Variants in GPHN observed in about 807,000 individuals in gnomAD.
GPHN encodes the protein gephyrin.
A neutral mutation model predicts 95.5 loss-of-function variants in GPHN; 17 were observed. The observed-to-expected ratio is 0.18, with a 90% CI of 0.12 to 0.27. The LOEUF is 0.27. GPHN is among the 10% of genes least tolerant of loss of function. The pLI, the probability that GPHN is intolerant of heterozygous loss-of-function variation, is 1.00. For missense variants in GPHN, 660 were observed against 978.1 expected, an observed-to-expected ratio of 0.67 and a Z score of 4.34; for synonymous variants, 320 against 322.5, an observed-to-expected ratio of 0.99 and a Z score of 0.08.
At chr14:66,885,631 C>T (rs1485326062) in intron 5 of GPHN, among the ~76,000 whole-genome samples, 2 of 152,096 alleles carry the variant, frequency 1.3e-5, no homozygotes, top group East Asian at 1.9e-4. Flanking sequence ...TTTATAAGGA[C>T]AGTACCTACA....
the GPHN span, among the ~76,000 whole-genome samples, chr14:67,420,590 T>C: frequency 6.6e-6 from 1 of 152,164 alleles, no homozygotes; most frequent in Non-Finnish European, 1.5e-5. Flanking sequence ...GGACAGCCCA[T>C]AGGTAGTCAG....
chr14:66,722,652 C>T (rs1379377121), intron 2 of GPHN, among the ~76,000 whole-genome samples: 2 of 152,046 alleles, frequency 1.3e-5, no homozygotes, highest in African/African-American at 4.8e-5. Context: ...CTGTGTTGCC[C>T]AGCCTGGCTT....
the GPHN span, among the ~76,000 whole-genome samples, chr14:67,522,087 C>T: frequency 1.2e-4 from 19 of 152,270 alleles, no homozygotes; most frequent in Admixed American, 2.6e-4. Flanking sequence ...GCAGGAGAAT[C>T]GCTTGAACCC....
chr14:67,651,496 A>AAAGT, the GPHN span: 1 of 1,612,996 alleles, frequency 6.2e-7, no homozygotes, highest in South Asian at 1.1e-5. Context: ...AAAGAGAAGC[A>AAAGT]AAGTGGGGAG....
intron 5 of GPHN, among the ~76,000 whole-genome samples, chr14:66,906,026 A>T (rs1400096418): frequency 7.0e-6 from 1 of 143,536 alleles, no homozygotes; most frequent in Admixed American, 7.1e-5. Flanking sequence ...CCCCATTTTC[A>T]GTCCTAGGTG....
chr14:67,127,427 G>A (rs574718124), intron 17 of GPHN, among the ~76,000 whole-genome samples: 1 of 152,228 alleles, frequency 6.6e-6, no homozygotes, highest in Non-Finnish European at 1.5e-5. Flanking sequence ...TATCATATAA[G>A]CTAATGATGG....
chr14:67,578,189 C>A, the GPHN span: 1 of 1,613,510 alleles, frequency 6.2e-7, no homozygotes. The surrounding 1 kb of genome is among the most constrained non-coding windows in gnomAD (Gnocchi z 5.0). Context: ...CAGAAGTACT[C>A]CCTCATGCAG....
At chr14:67,376,725 C>A in the GPHN span, 3 of 829,808 alleles carry the variant, frequency 3.6e-6, no homozygotes, top group Non-Finnish European at 3.7e-6. Flanking sequence ...GTAAATGGGC[C>A]AATCCTATAT....
chr14:66,647,548 C>T (rs1194376798), intron 1 of GPHN, among the ~76,000 whole-genome samples: 5 of 151,524 alleles, frequency 3.3e-5, no homozygotes, highest in Non-Finnish European at 7.4e-5. Context: ...GTTACTGAGC[C>T]CTGTATATAC....
the GPHN span, chr14:67,323,910 C>G: frequency 6.1e-6 from 4 of 650,558 alleles, no homozygotes; most frequent in South Asian, 8.0e-5. Context: ...TTAGCTTGAG[C>G]TTTCAAACTG....
the GPHN span, chr14:67,338,548 A>C: frequency 7.0e-7 from 1 of 1,434,002 alleles, no homozygotes; most frequent in Non-Finnish European, 9.3e-7. Context: ...ATAGCCACAC[A>C]AATCAAACCT....
At chr14:67,068,573 A>G (rs1037534778) in intron 11 of GPHN, among the ~76,000 whole-genome samples, 2 of 152,208 alleles carry the variant, frequency 1.3e-5, no homozygotes, top group Non-Finnish European at 2.9e-5. Context: ...CTTTTTCTAT[A>G]TACAATGGAA....
At chr14:67,541,888 G>A in the GPHN span, 2 of 1,602,746 alleles carry the variant, frequency 1.2e-6, no homozygotes, top group South Asian at 1.1e-5. Context: ...TCAAGGTGGA[G>A]GCGCCGGCCA....
chr14:66,987,184 T>C (rs942479394), intron 9 of GPHN, among the ~76,000 whole-genome samples: 1 of 152,156 alleles, frequency 6.6e-6, no homozygotes, highest in Non-Finnish European at 1.5e-5. Flanking sequence ...ACTGTCTATC[T>C]GTGAGGTATC....
At chr14:67,426,250 C>T in the GPHN span, among the ~76,000 whole-genome samples, 4 of 152,090 alleles carry the variant, frequency 2.6e-5, no homozygotes, top group East Asian at 3.9e-4. Flanking sequence ...TTGTGTGGTC[C>T]GACAGGATCT....
chr14:67,693,102 C>A, the GPHN span: 4 of 1,284,124 alleles, frequency 3.1e-6, no homozygotes, highest in Non-Finnish European at 4.5e-6. Context: ...ACTGTCTCAG[C>A]CAGTAGGTTC....
chr14:66,962,964 G>A (rs536230082), intron 8 of GPHN, among the ~76,000 whole-genome samples: 1 of 151,982 alleles, frequency 6.6e-6, no homozygotes, highest in African/African-American at 2.4e-5. Flanking sequence ...AAAATCAGAT[G>A]TATGGTTACC....
chr14:67,264,097 G>A, the GPHN span, among the ~76,000 whole-genome samples: 1 of 152,154 alleles, frequency 6.6e-6, no homozygotes, highest in East Asian at 1.9e-4. Flanking sequence ...TATAAGGTTG[G>A]TGTAAGGATT....
the GPHN span, among the ~76,000 whole-genome samples, chr14:67,673,453 T>G: frequency 6.6e-6 from 1 of 152,244 alleles, no homozygotes; most frequent in Non-Finnish European, 1.5e-5. Flanking sequence ...AGTTATATAT[T>G]GTTTATCACC....
Sources: allele counts gnomAD v4.1 joint callset (sites outside exome capture counted in the v4.1 genomes callset), GRCh38; gene constraint gnomAD v4.1.1; non-coding constraint Gnocchi (gnomAD v3.1); transcripts MANE v1.5; gene names NCBI Gene and HGNC (gene_info 2026-07-23, HGNC 2026-07-21).